The following CSMD3 variants were observed in gnomAD, a reference collection of about 807,000 sequenced individuals.
CSMD3 encodes the protein CUB and Sushi multiple domains 3.
In CSMD3, 177 loss-of-function variants were observed where a neutral mutation model predicts 435.2. The observed-to-expected ratio is 0.41, with a 90% CI of 0.36 to 0.46. The LOEUF is 0.46. Ranked by LOEUF, CSMD3 falls within the 20% of genes least tolerant of loss-of-function variation. The pLI is 0.34. For synonymous variants in CSMD3, 1,656 were observed against 1,520.5 expected, an observed-to-expected ratio of 1.09 and a Z score of -2.07; for missense variants, 4,265 against 4,504.6, an observed-to-expected ratio of 0.95 and a Z score of 1.52.
At chr8:113,276,228 T>A (rs1041889194) in intron 3 of CSMD3, among the ~76,000 whole-genome samples, 1 of 152,104 alleles carries the variant, frequency 6.6e-6, no homozygotes, top group African/African-American at 2.4e-5. Flanking sequence ...CCTTTGAAGA[T>A]ATGATTAAGG....
chr8:113,007,666 G>C (rs1478457724), intron 6 of CSMD3, among the ~76,000 whole-genome samples: 1 of 151,852 alleles, frequency 6.6e-6, no homozygotes, highest in Non-Finnish European at 1.5e-5. Flanking sequence ...GAACCTAACC[G>C]AGTTTTAATC....
intron 12 of CSMD3, among the ~76,000 whole-genome samples, chr8:112,823,363 G>A (rs2079581799): frequency 6.6e-6 from 1 of 151,992 alleles, no homozygotes; most frequent in African/African-American, 2.4e-5. Context: ...TTAGTCTTGG[G>A]AGGGTGTTAT....
chr8:112,260,262 C>G (rs1043792495), intron 61 of CSMD3, among the ~76,000 whole-genome samples: 6 of 152,180 alleles, frequency 3.9e-5, no homozygotes, highest in African/African-American at 1.4e-4. Context: ...TCAATCCATA[C>G]TCTGCCATTT....
intron 38 of CSMD3, among the ~76,000 whole-genome samples, chr8:112,372,406 G>C (rs1323646886): frequency 6.6e-6 from 1 of 152,104 alleles, no homozygotes; most frequent in Admixed American, 6.5e-5. Context: ...ATATTAATAA[G>C]ACCAAGGTGT....
At chr8:112,830,228 T>C (rs2079829939) in intron 11 of CSMD3, among the ~76,000 whole-genome samples, 1 of 152,196 alleles carries the variant, frequency 6.6e-6, no homozygotes, top group African/African-American at 2.4e-5. Flanking sequence ...GAGTGTGCTA[T>C]TTCCATTAAG....
At chr8:112,891,687 G>A (rs1403269380) in intron 10 of CSMD3, among the ~76,000 whole-genome samples, 1 of 151,510 alleles carries the variant, frequency 6.6e-6, no homozygotes, top group Non-Finnish European at 1.5e-5. Context: ...TTTCAGACTT[G>A]CTACTAAGTC....
intron 5 of CSMD3, among the ~76,000 whole-genome samples, chr8:113,092,663 C>A (rs1047153091): frequency 6.6e-6 from 1 of 152,006 alleles, no homozygotes; most frequent in African/African-American, 2.4e-5. Flanking sequence ...GTTCTTCTTC[C>A]TACCGTTTGA....
At chr8:112,331,944 T>C (rs1335718020) in intron 45 of CSMD3, among the ~76,000 whole-genome samples, 1 of 152,096 alleles carries the variant, frequency 6.6e-6, no homozygotes, top group Non-Finnish European at 1.5e-5. Context: ...CAAATTAGTA[T>C]TAACAGGCAT....
intron 6 of CSMD3, among the ~76,000 whole-genome samples, chr8:112,984,452 C>T (rs1017142790): frequency 2.0e-5 from 3 of 151,990 alleles, no homozygotes; most frequent in African/African-American, 7.2e-5. Context: ...ACTATCTGAT[C>T]AATAAAATCT....
chr8:113,132,449 G>C (rs760449465), intron 4 of CSMD3, among the ~76,000 whole-genome samples: 15 of 151,696 alleles, frequency 9.9e-5, no homozygotes, highest in Non-Finnish European at 1.8e-4. Flanking sequence ...TAAGTGAGTC[G>C]TCAGGAGATC....
At chr8:112,443,644 G>A (rs1433198155) in intron 32 of CSMD3, among the ~76,000 whole-genome samples, 2 of 151,936 alleles carry the variant, frequency 1.3e-5, no homozygotes, top group East Asian at 3.9e-4. Context: ...AAAATGAGTA[G>A]AGAAAATGCC....
At chr8:113,338,381 T>A (rs1247285166) in intron 1 of CSMD3, among the ~76,000 whole-genome samples, 1 of 151,992 alleles carries the variant, frequency 6.6e-6, no homozygotes, top group Non-Finnish European at 1.5e-5. Flanking sequence ...ATTCCATTCC[T>A]GGGCATATAC....
intron 23 of CSMD3, among the ~76,000 whole-genome samples, chr8:112,581,587 G>T (rs530218248): frequency 4.1e-4 from 62 of 152,106 alleles, no homozygotes; most frequent in African/African-American, 1.4e-3. Context: ...TACATAGAAA[G>T]TAGCTGAAAT....
chr8:112,975,217 A>G (rs2084801138), intron 7 of CSMD3, among the ~76,000 whole-genome samples: 1 of 152,054 alleles, frequency 6.6e-6, no homozygotes, highest in Admixed American at 6.6e-5. Context: ...ACATTTAAAG[A>G]ATACTTAAAT....
chr8:113,205,704 G>GA (rs1406113801), intron 3 of CSMD3, among the ~76,000 whole-genome samples: 11 of 151,840 alleles, frequency 7.2e-5, no homozygotes, highest in Admixed American at 2.0e-4. Context: ...AAAATAGACA[G>GA]AAAAAAATGT....
chr8:112,368,933 G>A (rs182302213), intron 38 of CSMD3, among the ~76,000 whole-genome samples: 1 of 152,178 alleles, frequency 6.6e-6, no homozygotes, highest in Non-Finnish European at 1.5e-5. Flanking sequence ...CATATACTGA[G>A]TACTTGAAAA....
intron 2 of CSMD3, among the ~76,000 whole-genome samples, chr8:113,288,096 C>T (rs1297492183): frequency 6.6e-6 from 1 of 151,794 alleles, no homozygotes; most frequent in East Asian, 1.9e-4. Flanking sequence ...GCACAAGTTA[C>T]AGTAATATGC....
intron 5 of CSMD3, among the ~76,000 whole-genome samples, chr8:113,083,194 T>A (rs1026569509): frequency 3.0e-4 from 45 of 152,034 alleles, no homozygotes; most frequent in Non-Finnish European, 5.6e-4. Context: ...AGGCACACTA[T>A]ATTGAAACTG....
chr8:112,342,994 T>C (rs1006812355), intron 41 of CSMD3, among the ~76,000 whole-genome samples: 36 of 29,714 alleles, frequency 1.2e-3, no homozygotes, highest in Admixed American at 2.7e-3. Context: ...TATTTATATA[T>C]ATATATTTAT....
Sources: allele counts gnomAD v4.1 joint callset (sites outside exome capture counted in the v4.1 genomes callset), GRCh38; gene constraint gnomAD v4.1.1; transcripts MANE v1.5; gene names NCBI Gene and HGNC (gene_info 2026-07-23, HGNC 2026-07-21).